The following EXD2 variants were observed in gnomAD, a reference collection of about 807,000 sequenced individuals.
The protein encoded by EXD2 is exonuclease 3'-5' domain containing 2.
EXD2 carries 40 observed loss-of-function variants against 62.5 expected under a neutral mutation model. That is an observed-to-expected ratio of 0.64 (90% CI 0.50 to 0.83). The LOEUF (loss-of-function observed/expected upper bound fraction) is 0.83. EXD2 is among the 40% of genes least tolerant of loss of function. The pLI, the probability that EXD2 is intolerant of heterozygous loss-of-function variation, is 0.00. For missense variants in EXD2, 671 were observed against 761.8 expected, an observed-to-expected ratio of 0.88 and a Z score of 1.40; for synonymous variants, 239 against 291.9, an observed-to-expected ratio of 0.82 and a Z score of 1.85.
At chr14:69,225,982 GTTAT>G (rs2140295626) in intron 3 of EXD2, among the ~76,000 whole-genome samples, 1 of 152,184 alleles carries the variant, frequency 6.6e-6, no homozygotes, top group South Asian at 2.1e-4. Flanking sequence ...TATTTATCTA[GTTAT>G]TTATTTAATG....
intron 1 of EXD2, among the ~76,000 whole-genome samples, chr14:69,200,255 A>G (rs1407114066): frequency 6.6e-6 from 1 of 152,200 alleles, no homozygotes; most frequent in African/African-American, 2.4e-5. Context: ...GATAGAAGGT[A>G]TAATAGGGCT....
At chr14:69,232,369 A>G (rs1241622947) in intron 5 of EXD2, among the ~76,000 whole-genome samples, 1 of 152,126 alleles carries the variant, frequency 6.6e-6, no homozygotes, top group East Asian at 1.9e-4. Context: ...CTGTGGCTCA[A>G]ACTCATTTGA....
intron 3 of EXD2, among the ~76,000 whole-genome samples, chr14:69,219,393 G>A (rs2043095101): frequency 6.6e-6 from 1 of 152,138 alleles, no homozygotes; most frequent in African/African-American, 2.4e-5. Flanking sequence ...CCATTCTTCT[G>A]TTGATGAACA....
At chr14:69,236,647 G>A in intron 8 of EXD2, 105 bp downstream of exon 8, 1 of 1,458,690 alleles carries the variant, frequency 6.9e-7, no homozygotes, top group Admixed American at 1.8e-5. Context: ...GTCCACTTTG[G>A]CTGAGAGGCT....
At chr14:69,193,351 G>A (rs2042098429) in intron 1 of EXD2, among the ~76,000 whole-genome samples, 1 of 152,208 alleles carries the variant, frequency 6.6e-6, no homozygotes, top group Non-Finnish European at 1.5e-5. Context: ...GAGCCACCGT[G>A]TCTGGCCCAC....
intron 3 of EXD2, among the ~76,000 whole-genome samples, chr14:69,226,902 T>A (rs1446596864): frequency 1.3e-5 from 2 of 152,180 alleles, no homozygotes; most frequent in Admixed American, 1.3e-4. Flanking sequence ...GAAACATTCC[T>A]TTGGCATTTA....
chr14:69,194,417 T>A (rs10134554), intron 1 of EXD2, among the ~76,000 whole-genome samples: 3 of 151,964 alleles, frequency 2.0e-5, no homozygotes, highest in African/African-American at 4.8e-5. Flanking sequence ...GGATTACAGG[T>A]GTGAGCCACC....
chr14:69,206,589 C>T (rs746249725), intron 2 of EXD2, among the ~76,000 whole-genome samples: 3 of 151,642 alleles, frequency 2.0e-5, no homozygotes, highest in Non-Finnish European at 4.4e-5. Flanking sequence ...AAGCTATCCT[C>T]CCACCTCAGG....
chr14:69,231,982 T>A (rs554733212), intron 5 of EXD2, among the ~76,000 whole-genome samples: 1 of 149,872 alleles, frequency 6.7e-6, no homozygotes, highest in South Asian at 2.1e-4. Flanking sequence ...TCTCCACAGA[T>A]GAATCTTCTA....
chr14:69,241,198 G>A lies in EXD2; in HGVS notation c.*98G>A. 1.0e-6 allele frequency: 1 copy of A among 962,854 alleles called. No individual in the cohort carries two copies. Among genetic ancestry groups the A allele is most frequent in the Non-Finnish European group, 1.5e-6 (1 of 647,226 alleles). The allele number at this position is 962,854 out of a possible 1,614,324, so 59.6% of individuals were successfully genotyped here. Reference sequence around the variant, plus strand: ...AGTACATCATTAATTGTCAAAGCCTGTGTGACACAACTCAGAATACTAACC... The same window carrying A: ...AGTACATCATTAATTGTCAAAGCCTATGTGACACAACTCAGAATACTAACC... On this transcript the variant is annotated 3_prime_UTR_variant, in exon 10 of 10. Transcript: ENST00000685843.
intron 1 of EXD2, among the ~76,000 whole-genome samples, chr14:69,199,070 C>T (rs1446204274): frequency 6.6e-6 from 1 of 152,180 alleles, no homozygotes; most frequent in Non-Finnish European, 1.5e-5. Flanking sequence ...ATGGTGAAAC[C>T]CCGTCTCTAC....
At chr14:69,208,055 C>A (rs554708227) in intron 2 of EXD2, among the ~76,000 whole-genome samples, 1 of 151,996 alleles carries the variant, frequency 6.6e-6, no homozygotes, top group Non-Finnish European at 1.5e-5. Flanking sequence ...CCCACCACCA[C>A]GCCTGGCTAA....
Position 69,242,472 on chromosome 14 carries a change from A to G in EXD2, c.*1372A>G, listed in dbSNP as rs1324649942. On this transcript the variant is annotated 3_prime_UTR_variant, in exon 10 of 10. Transcript: ENST00000685843. ...CCTGGCAGTGCCATGGTATGTGTGC[A>G]TGGATATACCAGACACAGTCACCAT... The G allele has an allele frequency of 6.5e-6, 1 of 154,804 alleles. No individual in the cohort carries two copies. Among genetic ancestry groups the G allele is most frequent in the Non-Finnish European group, 1.4e-5 (1 of 69,914 alleles). The allele number at this position is 154,804 out of a possible 1,614,324, so 9.6% of individuals were successfully genotyped here.
intron 1 of EXD2, among the ~76,000 whole-genome samples, chr14:69,201,774 C>T (rs2042413948): frequency 6.6e-6 from 1 of 151,060 alleles, no homozygotes; most frequent in Admixed American, 6.6e-5. Flanking sequence ...GCTCCGCCTC[C>T]CGGGTTCAAG....
At chr14:69,209,314 T>G in intron 2 of EXD2, 110 bp from the exon 3 acceptor site, 2 of 506,176 alleles carry the variant, frequency 4.0e-6, no homozygotes, top group East Asian at 3.3e-5. Flanking sequence ...TAGCAGTTGT[T>G]TTAGTTTGTG....
chr14:69,196,660 G>A (rs1328859567), intron 1 of EXD2, among the ~76,000 whole-genome samples: 1 of 145,980 alleles, frequency 6.9e-6, no homozygotes, highest in East Asian at 2.0e-4. Flanking sequence ...GTCTTACTCT[G>A]TTGACCAGGC....
intron 1 of EXD2, among the ~76,000 whole-genome samples, chr14:69,203,289 T>C (rs564508970): frequency 2.0e-5 from 3 of 151,854 alleles, no homozygotes; most frequent in South Asian, 4.2e-4. Flanking sequence ...TTGCCCTAGG[T>C]AGTCTTGAAC....
chr14:69,198,414 A>T (rs543133664), intron 1 of EXD2, among the ~76,000 whole-genome samples: 1 of 152,222 alleles, frequency 6.6e-6, no homozygotes, highest in African/African-American at 2.4e-5. Flanking sequence ...CTCTCTGCCT[A>T]CGGCCTTGCT....
In EXD2 at chr14:69,243,410, T is replaced by C. The variant is rs1361421213; in HGVS notation, c.*2310T>C. On this transcript the variant is annotated 3_prime_UTR_variant, in exon 10 of 10. Transcript: ENST00000685843. ...TATTAAAAAGTGCATATAAGGTGTA[T>C]ATTTACACAAAATTGAAGGTCATAC... The C allele has an allele frequency of 6.6e-6, 1 of 152,232 alleles. No individual in the cohort carries two copies. Among genetic ancestry groups the C allele is most frequent in the Non-Finnish European group, 1.5e-5 (1 of 68,036 alleles). The allele number at this position is 152,232 out of a possible 1,614,324, so 9.4% of individuals were successfully genotyped here. A position where few individuals can be genotyped will look rare whatever the true frequency, so the allele number is the denominator to read the frequency against.
Sources: gnomAD v4.1 joint callset for allele counts (sites outside exome capture counted in the v4.1 genomes callset) on GRCh38, gnomAD v4.1.1 for gene constraint, MANE v1.5 for transcripts, NCBI Gene and HGNC (gene_info 2026-07-23, HGNC 2026-07-21) for gene names.